SLC30A6: variants seen among roughly 807,000 people sequenced by gnomAD.
SLC30A6 encodes zinc transporter 6.
SLC30A6 carries 55 observed loss-of-function variants against 63.0 expected under a neutral mutation model. The observed-to-expected ratio is 0.87, with a 90% confidence interval of 0.70 to 1.09. The LOEUF (loss-of-function observed/expected upper bound fraction) is 1.09, where lower values mean the gene tolerates loss of function less well. Ranked by LOEUF, SLC30A6 falls within the 50% of genes least tolerant of loss-of-function variation. The pLI, the probability that SLC30A6 is intolerant of heterozygous loss-of-function variation, is 0.00. For missense variants in SLC30A6, 587 were observed against 549.2 expected, an observed-to-expected ratio of 1.07 and a Z score of -0.69; for synonymous variants, 224 against 186.1, an observed-to-expected ratio of 1.20 and a Z score of -1.66.
At chr2:32,182,494 G>T (rs540953272) in intron 4 of SLC30A6, among the ~76,000 whole-genome samples, 1 of 152,204 alleles carries the variant, frequency 6.6e-6, no homozygotes, top group South Asian at 2.1e-4. Flanking sequence ...GAGCTCTATT[G>T]GGGGAGCAAA....
intron 9 of SLC30A6, 78 bp from the exon 10 acceptor site, chr2:32,197,629 A>T: frequency 6.3e-7 from 1 of 1,589,930 alleles, no homozygotes; most frequent in Non-Finnish European, 8.6e-7. Flanking sequence ...ACCAAAATAC[A>T]AGTTATCTTT....
intron 13 of SLC30A6, 77 bp from the exon 14 acceptor site, chr2:32,220,136 A>G: frequency 6.8e-7 from 1 of 1,473,320 alleles, no homozygotes; most frequent in Non-Finnish European, 9.1e-7. Context: ...CAAATCATAA[A>G]TAAAATGTTT....
chr2:32,186,911 G>A (rs923723618), intron 5 of SLC30A6, among the ~76,000 whole-genome samples: 1 of 147,316 alleles, frequency 6.8e-6, no homozygotes, highest in Non-Finnish European at 1.5e-5. Context: ...TTGGGAAAAT[G>A]GCTTGAACCT....
rs143288379 is a variant in SLC30A6, at chr2:32,180,929, G to A, written c.219-3344G>A. ...TTCTTTCTTTAGAGGCTCACAATCT[G>A]CCATATGAGTTAGCTATCGCTACAT... On this transcript the variant is annotated intron_variant, in intron 4 of 13. Transcript: ENST00000282587. 3.7e-3 allele frequency among the ~76,000 whole-genome samples: 566 copies of A among 152,220 alleles called. 5 individuals carry two copies. Among genetic ancestry groups the A allele is most frequent in the African/African-American group, 0.013 (557 of 41,536 alleles).
At chr2:32,211,912 G>C (rs903137658) in intron 13 of SLC30A6, among the ~76,000 whole-genome samples, 2 of 152,082 alleles carry the variant, frequency 1.3e-5, no homozygotes, top group South Asian at 4.1e-4. Flanking sequence ...GAGCTACTGC[G>C]CTCGGCCCAC....
intron 1 of SLC30A6, 74 bp downstream of exon 1, chr2:32,165,977 T>G: frequency 6.2e-7 from 1 of 1,605,402 alleles, no homozygotes; most frequent in South Asian, 1.1e-5. Context: ...GAAGCGACCT[T>G]GAAATCCCTC....
In SLC30A6 at chr2:32,211,890, G is replaced by C. The variant is rs552625752; in HGVS notation, c.885+2329G>C. Reference sequence around the variant, plus strand: ...CCTCCTTGGCCTCCCAAAGTGTTGGGATTACAGGCATGAGCTACTGCGCTC... The same window carrying C: ...CCTCCTTGGCCTCCCAAAGTGTTGGCATTACAGGCATGAGCTACTGCGCTC... On this transcript the variant is annotated intron_variant, in intron 13 of 13. Coordinates refer to ENST00000282587, the MANE Select transcript of SLC30A6 (RefSeq NM_017964.5). 9.8e-4 allele frequency among the ~76,000 whole-genome samples: 149 copies of C among 152,260 alleles called. 1 individual carries two copies. Among genetic ancestry groups the C allele is most frequent in the African/African-American group, 3.5e-3 (147 of 41,562 alleles).
At chr2:32,183,163 G>T (rs1302842715) in intron 4 of SLC30A6, among the ~76,000 whole-genome samples, 1 of 151,970 alleles carries the variant, frequency 6.6e-6, no homozygotes, top group Non-Finnish European at 1.5e-5. Context: ...CTCCAGCCTG[G>T]GCGATAGAGT....
In SLC30A6 at chr2:32,204,709, A is replaced by G. The variant is rs1011131213; in HGVS notation, c.768+17A>G. The G allele has an allele frequency of 6.7e-7, 1 of 1,499,842 alleles. No individual in the cohort carries two copies. The highest frequency in any genetic ancestry group is 1.4e-5 in the African/African-American group (1 of 73,026). The allele number at this position is 1,499,842 out of a possible 1,614,324, so 92.9% of individuals were successfully genotyped here. ...TTACTCCAGGTAAGGTGCTTCTTCC[A>G]ATGCACGTGCTTAATATTAGCCATG... On this transcript the variant is annotated intron_variant, in intron 11 of 13. Transcript: ENST00000282587.
At chr2:32,209,286 A>G (rs1251537380) in intron 12 of SLC30A6, among the ~76,000 whole-genome samples, 1 of 152,226 alleles carries the variant, frequency 6.6e-6, no homozygotes, top group Non-Finnish European at 1.5e-5. Flanking sequence ...TGGGGCAAGC[A>G]AGAAACGAGG....
intron 4 of SLC30A6, among the ~76,000 whole-genome samples, chr2:32,183,649 C>G (rs898459959): frequency 1.4e-5 from 2 of 146,350 alleles, no homozygotes; most frequent in East Asian, 2.0e-4. Flanking sequence ...GATGGCACTA[C>G]TGCACTCCAG....
Position 32,167,474 on chromosome 2 carries a change from G to A in SLC30A6, c.3+1571G>A, listed in dbSNP as rs184076515. On this transcript the variant is annotated intron_variant, in intron 1 of 13. Coordinates refer to ENST00000282587, the MANE Select transcript of SLC30A6 (RefSeq NM_017964.5). ...TTGCAAATCATGCTGTATTAATTGA[G>A]CCTTTGTACCTAATTTGCATATGCT... 3.0e-4 allele frequency among the ~76,000 whole-genome samples: 46 copies of A among 150,966 alleles called. No individual in the cohort carries two copies. In the East Asian group the frequency reaches 8.6e-3, roughly 28 times the overall value.
rs1305465832 is a variant in SLC30A6 at position 32,221,594 on chromosome 2, T to G, written c.*881T>G. ...TTAATTGCTAAATTTTTCTTTGAGG[T>G]TCTCCTGAATTATGTCTTACAAACT... On this transcript the variant is annotated 3_prime_UTR_variant, in exon 14 of 14. Coordinates refer to ENST00000282587, the MANE Select transcript of SLC30A6 (RefSeq NM_017964.5). The G allele has an allele frequency of 6.6e-6, 1 of 152,234 alleles. No homozygotes were observed. The highest frequency in any genetic ancestry group is 2.4e-5 in the African/African-American group (1 of 41,466). 9.4% of individuals were successfully genotyped at this position (152,234 alleles called of 1,614,324 possible). A position where few individuals can be genotyped will look rare whatever the true frequency, so the allele number is the denominator to read the frequency against.
chr2:32,202,316 G>A (rs1684365092), intron 10 of SLC30A6: 2 of 415,738 alleles, frequency 4.8e-6, no homozygotes, highest in Non-Finnish European at 9.1e-6. Context: ...ACTCCAAAGA[G>A]ATCAAGAAAC....
intron 13 of SLC30A6, among the ~76,000 whole-genome samples, chr2:32,219,991 A>G (rs1283436210): frequency 6.6e-6 from 1 of 152,098 alleles, no homozygotes; most frequent in South Asian, 2.1e-4. Flanking sequence ...TCTTGTTCCT[A>G]CATGGATATT....
At chr2:32,194,037 C>T (rs1276807499) in intron 8 of SLC30A6, 54 bp downstream of exon 8, 3 of 1,447,754 alleles carry the variant, frequency 2.1e-6, no homozygotes, top group South Asian at 2.4e-5. Flanking sequence ...CTCATAAAAA[C>T]AAGCCTTTTG....
intron 2 of SLC30A6, among the ~76,000 whole-genome samples, chr2:32,172,011 A>T (rs534030864): frequency 6.6e-6 from 1 of 152,198 alleles, no homozygotes; most frequent in East Asian, 1.9e-4. Context: ...TCTCATTTTT[A>T]ATGTAGGGCA....
At chr2:32,214,029 ATC>A (rs1242311001) in intron 13 of SLC30A6, among the ~76,000 whole-genome samples, 3 of 151,998 alleles carry the variant, frequency 2.0e-5, no homozygotes, top group African/African-American at 7.3e-5. Context: ...GGAGGTTGGA[ATC>A]TCTCTTTTTG....
intron 11 of SLC30A6, among the ~76,000 whole-genome samples, chr2:32,205,436 AT>A (rs1261610980): frequency 6.6e-6 from 1 of 151,384 alleles, no homozygotes; most frequent in South Asian, 2.1e-4. Flanking sequence ...ACAAAACAAC[AT>A]TTTTTTTAAT....
Sources: gnomAD v4.1 joint callset for allele counts (sites outside exome capture counted in the v4.1 genomes callset) on GRCh38, gnomAD v4.1.1 for gene constraint, MANE v1.5 for transcripts, NCBI Gene and HGNC (gene_info 2026-07-23, HGNC 2026-07-21) for gene names.